CHRM3: variants seen among roughly 807,000 people sequenced by gnomAD.
CHRM3 encodes muscarinic acetylcholine receptor M3.
A neutral mutation model predicts 41.8 loss-of-function variants in CHRM3; 11 were observed. The observed-to-expected ratio is 0.26, with a 90% CI of 0.17 to 0.44. CHRM3 has a LOEUF of 0.44. Ranked by LOEUF, CHRM3 falls within the 20% of genes least tolerant of loss-of-function variation. The pLI, the probability that CHRM3 is intolerant of heterozygous loss-of-function variation, is 1.00. For synonymous variants in CHRM3, 297 were observed against 301.4 expected (o/e 0.99, Z 0.15); for missense variants, 571 against 745.4 (o/e 0.77, Z 2.72).
intron 5 of CHRM3, among the ~76,000 whole-genome samples, chr1:239,796,634 C>T (rs1251069397): frequency 6.6e-6 from 1 of 152,044 alleles, no homozygotes; most frequent in African/African-American, 2.4e-5. Flanking sequence ...GGCATTCTCT[C>T]TGTTGTAGGA....
At chr1:239,714,159 A>T (rs747900010) in intron 5 of CHRM3, 7 of 152,130 alleles carry the variant, frequency 4.6e-5, no homozygotes, top group Non-Finnish European at 8.8e-5. Flanking sequence ...TTCATTCATT[A>T]ATTCAATAAA....
intron 4 of CHRM3, among the ~76,000 whole-genome samples, chr1:239,656,931 A>C (rs1477647063): frequency 1.3e-5 from 2 of 152,334 alleles, no homozygotes. Context: ...GGACTTCAAA[A>C]TAGTTTAGAA....
intron 3 of CHRM3, among the ~76,000 whole-genome samples, chr1:239,550,473 TG>T (rs1659710499): frequency 6.6e-6 from 1 of 152,212 alleles, no homozygotes; most frequent in African/African-American, 2.4e-5. Context: ...ATAAAATTAA[TG>T]ATTCAAATGA....
rs752356659 is a variant in CHRM3 at position 239,748,500 on chromosome 1, T to C, written c.-147+70212T>C. On this transcript the variant is annotated intron_variant, in intron 5 of 6. Coordinates refer to ENST00000676153, the MANE Select transcript of CHRM3 (RefSeq NM_001375978.1). This position sits in a 1 kb window ranked among gnomAD's most constrained non-coding sequence, Gnocchi z 4.3. ...TTTCATTCCATAGAATTTTTAAATA[T>C]GCAGTGTGTTTTAGTTAATGAAGTG... 2.0e-5 allele frequency among the ~76,000 whole-genome samples: 3 copies of C among 152,226 alleles called. No individual in the cohort carries two copies. Among genetic ancestry groups the C allele is most frequent in the Non-Finnish European group, 2.9e-5 (2 of 68,042 alleles).
intron 6 of CHRM3, among the ~76,000 whole-genome samples, chr1:239,866,594 G>A (rs745528096): frequency 5.7e-4 from 87 of 152,234 alleles, no homozygotes; most frequent in Admixed American, 2.0e-3. Flanking sequence ...ATACAACAGC[G>A]CATGAAGGCA....
At chr1:239,525,567 C>T (rs1172441860) in intron 2 of CHRM3, among the ~76,000 whole-genome samples, 1 of 152,010 alleles carries the variant, frequency 6.6e-6, no homozygotes, top group Non-Finnish European at 1.5e-5. Flanking sequence ...TTGAACAATA[C>T]AAATTATAAC....
intron 6 of CHRM3, chr1:239,886,542 G>A (rs1233556372): frequency 6.6e-6 from 1 of 152,168 alleles, no homozygotes; most frequent in East Asian, 1.9e-4. Flanking sequence ...AGTGGCCATG[G>A]AGAGCGTAAC....
intron 1 of CHRM3, among the ~76,000 whole-genome samples, chr1:239,393,109 A>G (rs1387220390): frequency 1.3e-5 from 2 of 152,164 alleles, no homozygotes; most frequent in Non-Finnish European, 2.9e-5. Flanking sequence ...ATAATGTACT[A>G]TGATTGCACC....
chr1:239,504,655 A>G, intron 2 of CHRM3, among the ~76,000 whole-genome samples: 1 of 152,222 alleles, frequency 6.6e-6, no homozygotes, highest in Admixed American at 6.5e-5. Flanking sequence ...AAATTGTGGG[A>G]CCAACCCAAA....
intron 5 of CHRM3, chr1:239,826,868 A>G (rs142369825): frequency 6.6e-6 from 1 of 152,190 alleles, no homozygotes. Flanking sequence ...CACTAAACAT[A>G]AGTTGCAGAG....
In CHRM3 at chr1:239,909,478, GT is replaced by G; in HGVS notation, c.*261del. Reference sequence around the variant, plus strand: ...ATTTATTCTGAAATAGACTTTACGTGTTTTTTTCTTAAAGAGGAGAAAAATA... The same window carrying G: ...ATTTATTCTGAAATAGACTTTACGTGTTTTTTCTTAAAGAGGAGAAAAATA... On this transcript the variant is annotated 3_prime_UTR_variant, in exon 7 of 7. Transcript: ENST00000676153. 2.6e-6 allele frequency: 1 copy of G among 379,020 alleles called. No homozygotes were observed. Among genetic ancestry groups the G allele is most frequent in the Non-Finnish European group, 4.9e-6 (1 of 204,728 alleles). 23.5% of individuals were successfully genotyped at this position (379,020 alleles called of 1,614,324 possible).
At chr1:239,731,241 A>G (rs1048082199) in intron 5 of CHRM3, among the ~76,000 whole-genome samples, 1 of 151,966 alleles carries the variant, frequency 6.6e-6, no homozygotes, top group Non-Finnish European at 1.5e-5. Context: ...GGCTAAAAAT[A>G]GAGATCCAGG....
At chr1:239,900,115 A>G (rs900660581) in intron 6 of CHRM3, among the ~76,000 whole-genome samples, 2 of 152,164 alleles carry the variant, frequency 1.3e-5, no homozygotes, top group African/African-American at 4.8e-5. Flanking sequence ...TAGACTGTGA[A>G]CTTCCTTGAC....
At chr1:239,867,388 C>G (rs1462145357) in intron 6 of CHRM3, among the ~76,000 whole-genome samples, 2 of 152,118 alleles carry the variant, frequency 1.3e-5, no homozygotes, top group Non-Finnish European at 2.9e-5. Flanking sequence ...TTCTAAGTGA[C>G]TTCGAAAGTC....
At chr1:239,527,856 C>T (rs1416607583) in intron 2 of CHRM3, among the ~76,000 whole-genome samples, 1 of 152,154 alleles carries the variant, frequency 6.6e-6, no homozygotes, top group Non-Finnish European at 1.5e-5. Context: ...ATATAATAAG[C>T]ATTTTAAAAG....
chr1:239,701,266 C>A (rs1039909913), intron 5 of CHRM3, among the ~76,000 whole-genome samples: 7 of 152,190 alleles, frequency 4.6e-5, no homozygotes, highest in Non-Finnish European at 1.0e-4. Flanking sequence ...GGTCCTCGTT[C>A]TACCAGTTCT....
intron 5 of CHRM3, among the ~76,000 whole-genome samples, chr1:239,813,790 G>A (rs977114595): frequency 3.1e-5 from 4 of 130,002 alleles, no homozygotes; most frequent in Admixed American, 7.6e-5. Context: ...AGTGGCGGGC[G>A]CCTGTAGTCC....
intron 6 of CHRM3, among the ~76,000 whole-genome samples, chr1:239,839,960 C>T (rs1296833143): frequency 6.6e-6 from 1 of 152,016 alleles, no homozygotes; most frequent in African/African-American, 2.4e-5. Context: ...TGCATCCAGC[C>T]CAGGCCTCAG....
At chr1:239,706,259 T>C (rs1286006876) in intron 5 of CHRM3, 1 of 151,384 alleles carries the variant, frequency 6.6e-6, no homozygotes, top group African/African-American at 2.4e-5. Context: ...ATTTAGAAGA[T>C]TATTTGTAAA....
Sources: gnomAD v4.1 joint callset for allele counts (sites outside exome capture counted in the v4.1 genomes callset) on GRCh38, gnomAD v4.1.1 for gene constraint, Gnocchi (gnomAD v3.1) non-coding constraint, MANE v1.5 for transcripts, NCBI Gene and HGNC (gene_info 2026-07-23, HGNC 2026-07-21) for gene names.